CWH43: variants seen among roughly 807,000 people sequenced by gnomAD.
The protein encoded by CWH43 is PGAP2-interacting protein.
CWH43 carries 91 observed loss-of-function variants against 85.7 expected under a neutral mutation model. That is an observed-to-expected ratio of 1.06 (90% CI 0.90 to 1.26). The LOEUF (loss-of-function observed/expected upper bound fraction) is 1.26. Ranked by LOEUF, CWH43 falls within the 50% of genes most tolerant of loss-of-function variation. The pLI, the probability that CWH43 is intolerant of heterozygous loss-of-function variation, is 0.00. For synonymous variants in CWH43, 323 were observed against 293.6 expected (o/e 1.10, Z -1.02); for missense variants, 869 against 839.2 (o/e 1.04, Z -0.44).
intron 10 of CWH43, among the ~76,000 whole-genome samples, chr4:49,030,151 C>A (rs547781702): frequency 3.3e-5 from 5 of 152,284 alleles, no homozygotes; most frequent in African/African-American, 9.6e-5. Context: ...AGGCCTAGGG[C>A]CGATTTGATT....
chr4:48,990,472 T>C (rs1782625442), intron 2 of CWH43, among the ~76,000 whole-genome samples: 1 of 152,206 alleles, frequency 6.6e-6, no homozygotes, highest in African/African-American at 2.4e-5. Flanking sequence ...GATATTCTTA[T>C]ATAAATACAG....
At chr4:49,030,293 A>C (rs1784053374) in intron 10 of CWH43, among the ~76,000 whole-genome samples, 1 of 152,328 alleles carries the variant, frequency 6.6e-6, no homozygotes, top group Non-Finnish European at 1.5e-5. Flanking sequence ...GGTTATTCTT[A>C]ATGATAAGCG....
chr4:49,052,624 C>T (rs908866308), intron 15 of CWH43, among the ~76,000 whole-genome samples: 3 of 152,042 alleles, frequency 2.0e-5, no homozygotes, highest in African/African-American at 7.2e-5. Flanking sequence ...CGGAGAAATC[C>T]AAATAAAATA....
At chr4:48,988,444 A>C (rs1577647046) in intron 1 of CWH43, 33 bp from the exon 2 acceptor site, 1 of 1,502,974 alleles carries the variant, frequency 6.7e-7, no homozygotes, top group Non-Finnish European at 8.9e-7. Flanking sequence ...TTGAAGTTAC[A>C]CTTTCTCTCT....
intron 6 of CWH43, among the ~76,000 whole-genome samples, chr4:49,001,684 G>A (rs1377951976): frequency 6.6e-6 from 1 of 151,926 alleles, no homozygotes. Context: ...GTACAATTTT[G>A]GTGGATTTAA....
chr4:48,987,007 C>T (rs1218489370), intron 1 of CWH43, among the ~76,000 whole-genome samples: 2 of 152,202 alleles, frequency 1.3e-5, no homozygotes, highest in Admixed American at 6.5e-5. Context: ...CGAGTCTCAT[C>T]TGCTCTCTCA....
intron 7 of CWH43, 26 bp from the exon 8 acceptor site, chr4:49,007,175 C>T: frequency 6.3e-7 from 1 of 1,595,790 alleles, no homozygotes; most frequent in Non-Finnish European, 8.5e-7. Context: ...CAGACTATAA[C>T]ATATTCTTTC....
chr4:49,018,792 A>T (rs546571057), intron 9 of CWH43, among the ~76,000 whole-genome samples: 12 of 152,368 alleles, frequency 7.9e-5, no homozygotes, highest in African/African-American at 2.6e-4. Flanking sequence ...ATAAAAAGCT[A>T]CACTGAGAAC....
intron 1 of CWH43, among the ~76,000 whole-genome samples, chr4:48,987,414 A>T (rs1782529677): frequency 6.6e-6 from 1 of 152,154 alleles, no homozygotes; most frequent in Non-Finnish European, 1.5e-5. Context: ...GTTGGTAGAA[A>T]GTTCCCACGC....
chr4:49,007,598 T>C (rs1783201517), intron 8 of CWH43, among the ~76,000 whole-genome samples: 1 of 152,146 alleles, frequency 6.6e-6, no homozygotes, highest in Admixed American at 6.5e-5. Context: ...TTACATTAGG[T>C]ATTCCTCCTA....
rs183885080 is a variant in CWH43 at position 49,027,484 on chromosome 4, G to A, written c.1267-1145G>A. Among the ~76,000 whole-genome samples, 38 of 151,986 alleles carry A rather than the reference G, an allele frequency of 2.5e-4. No individual in the cohort carries two copies. The East Asian group carries it at 4.3e-3, about 17-fold the overall frequency. ...TATGTCTCTTGAAATCTCTGTTGAT[G>A]GTTCTCCTTTCTTTACCAGGCAGTC... On this transcript the variant is annotated intron_variant, in intron 9 of 15. Coordinates refer to ENST00000226432, the MANE Select transcript of CWH43 (RefSeq NM_025087.3).
intron 2 of CWH43, 29 bp downstream of exon 2, chr4:48,988,697 G>GT (rs748573494): frequency 9.2e-5 from 132 of 1,430,360 alleles, no homozygotes; most frequent in Admixed American, 3.0e-4. Context: ...TCTTTAAGTT[G>GT]TTTTTTTTAA....
chr4:49,003,447 T>G (rs747469693), intron 6 of CWH43, among the ~76,000 whole-genome samples: 3 of 152,150 alleles, frequency 2.0e-5, no homozygotes, highest in Non-Finnish European at 2.9e-5. Context: ...GCTGTTAGGA[T>G]CTTAACAGCA....
At chr4:48,993,774 G>C (rs1291819154) in intron 4 of CWH43, among the ~76,000 whole-genome samples, 1 of 152,086 alleles carries the variant, frequency 6.6e-6, no homozygotes, top group African/African-American at 2.4e-5. Context: ...TTGTTTTTGA[G>C]ATGGAGTTTC....
rs188851654 is a variant in CWH43, at chr4:49,061,517, G to A, written c.2022-295G>A. 3.9e-5 allele frequency among the ~76,000 whole-genome samples: 6 copies of A among 152,208 alleles called. No homozygotes were observed. In the East Asian group the frequency reaches 5.8e-4, roughly 15 times the overall value. On this transcript the variant is annotated intron_variant, in intron 15 of 15. Coordinates refer to ENST00000226432, the MANE Select transcript of CWH43 (RefSeq NM_025087.3). Reference sequence around the variant, plus strand: ...CATGAATAGCATTTCAGGCTTAATGGCCCCTTTGCCTATAAGAGAATATTA... The same window carrying A: ...CATGAATAGCATTTCAGGCTTAATGACCCCTTTGCCTATAAGAGAATATTA...
chr4:49,010,048 A>G (rs769018416), intron 8 of CWH43, among the ~76,000 whole-genome samples: 4 of 152,190 alleles, frequency 2.6e-5, no homozygotes, highest in South Asian at 4.2e-4. Flanking sequence ...TTTAGAAGGT[A>G]TGTTACCAGC....
At chr4:49,028,789 A>G (rs995672274) in intron 10 of CWH43, 55 bp downstream of exon 10, 16 of 1,191,208 alleles carry the variant, frequency 1.3e-5, no homozygotes, top group Non-Finnish European at 2.0e-5. Context: ...TGTTACTTTT[A>G]TTTTCAGCAG....
At chr4:49,050,264 G>C (rs1390986453) in intron 14 of CWH43, among the ~76,000 whole-genome samples, 2 of 152,176 alleles carry the variant, frequency 1.3e-5, no homozygotes, top group Non-Finnish European at 2.9e-5. Context: ...AATTTTTTCA[G>C]ATATATAAAA....
chr4:49,058,743 G>T (rs1245822162), intron 15 of CWH43, among the ~76,000 whole-genome samples: 1 of 152,122 alleles, frequency 6.6e-6, no homozygotes, highest in Non-Finnish European at 1.5e-5. Flanking sequence ...TAGTATTCTT[G>T]GTAGGCAGTT....
Sources: gnomAD v4.1 joint callset for allele counts (sites outside exome capture counted in the v4.1 genomes callset) on GRCh38, gnomAD v4.1.1 for gene constraint, MANE v1.5 for transcripts, NCBI Gene and HGNC (gene_info 2026-07-23, HGNC 2026-07-21) for gene names.